Variants in TTN observed in about 807,000 individuals in gnomAD.
The protein encoded by TTN is connectin.
In TTN, 1,525 loss-of-function variants were observed where a neutral mutation model predicts 3,223.0. That is an observed-to-expected ratio of 0.47 (90% CI 0.45 to 0.49). The LOEUF (loss-of-function observed/expected upper bound fraction) is 0.49. Among genes scored for constraint, TTN ranks in the 20% least tolerant of loss-of-function variants. The pLI, the probability that TTN is intolerant of heterozygous loss-of-function variation, is 0.00. For missense variants in TTN, 40,786 were observed against 43,424.0 expected, an observed-to-expected ratio of 0.94 and a Z score of 5.40; for synonymous variants, 14,094 against 15,161.0, an observed-to-expected ratio of 0.93 and a Z score of 5.17.
intron 242 of TTN, among the ~76,000 whole-genome samples, 175 bp downstream of exon 242, chr2:178,624,285 ACTTTT>A (rs918797144): frequency 4.6e-5 from 7 of 152,062 alleles, no homozygotes; most frequent in East Asian, 3.9e-4. Flanking sequence ...ATAGAATAAG[ACTTTT>A]CTTTTCTTTT....
At position 178,607,442 on chromosome 2, in the gene TTN, C is replaced by G. The variant is rs1553686153; in HGVS notation, c.53246G>C (p.Ser17749Thr). ...HGRYVITATNSCGSKFAAARV... is the reference protein window; with the variant it reads ...HGRYVITATNTCGSKFAAARV... ...GGCTGCTGCAAATTTGGAACCACAG[C>G]TATTTGTAGCTGTAATCACATATCT... The change falls in exon 277 of 363, where the codon AGC (serine) becomes ACC (threonine). Residue 17749 changes from serine to threonine, a missense_variant. Physicochemically the swap from Ser to Thr is moderately conservative, Grantham distance 58. Transcript: ENST00000589042. The G allele has an allele frequency of 4.3e-6, 7 of 1,613,070 alleles. No homozygotes were observed. Among genetic ancestry groups the G allele is most frequent in the Non-Finnish European group, 5.9e-6 (7 of 1,179,412 alleles).
In TTN at chr2:178,570,498, C is replaced by G. The variant is rs1707781335; in HGVS notation, c.75634G>C (p.Val25212Leu). Residue 25212 changes from valine to leucine, a missense_variant, in exon 326 of 363, where the codon GTT becomes CTT. Val to Leu is a conservative substitution (Grantham distance 32). Transcript: ENST00000589042. Reference protein sequence around the residue: ...LDRPGPPEGPVVISGVTAEKC... With the variant: ...LDRPGPPEGPLVISGVTAEKC... ...TCTGCTGTAACTCCTGAGATAACAA[C>G]AGGTCCTTCAGGTGGCCCTGGTCTG... 6.2e-7 allele frequency: 1 copy of G among 1,613,296 alleles called. No homozygotes were observed.
In TTN at chr2:178,536,994, A is replaced by C; in HGVS notation, c.100115T>G (p.Phe33372Cys). ...CACTTCTAGAGGGTCACTGATGCCG[A>C]AAGTGTTCTGAGCTGAAACCCGGAA... ...YYFRVSAQNT[F>C]GISDPLEVSS... Residue 33372 changes from phenylalanine to cysteine, a missense_variant, in exon 356 of 363, where the codon TTC becomes TGC. Coordinates refer to ENST00000589042, the MANE Select transcript of TTN (RefSeq NM_001267550.2). The C allele has an allele frequency of 6.2e-7, 1 of 1,613,422 alleles. No individual in the cohort carries two copies. The highest frequency in any genetic ancestry group is 8.5e-7 in the Non-Finnish European group (1 of 1,179,606).
At chr2:178,685,848 A>T (rs2070715595) in intron 127 of TTN, among the ~76,000 whole-genome samples, 1 of 152,194 alleles carries the variant, frequency 6.6e-6, no homozygotes, top group African/African-American at 2.4e-5. Flanking sequence ...AATAATGCTT[A>T]TATCCACAGC....
In TTN at chr2:178,531,150, C is replaced by T. The variant is rs1235753439; in HGVS notation, c.105465G>A (p.Glu35155=). 1.2e-6 allele frequency: 2 copies of T among 1,613,872 alleles called. No individual in the cohort carries two copies. Among genetic ancestry groups the T allele is most frequent in the Non-Finnish European group, 8.5e-7 (1 of 1,179,886 alleles). Residue 35155 remains glutamate, a synonymous_variant, in exon 358 of 363, where the codon GAG becomes GAA. Transcript: ENST00000589042. ...SARFSCDTDG[E]PVPTVTWLRK... ...GCAGCCAGGTCACAGTTGGTACCGG[C>T]TCACCATCGGTGTCACAAGAAAACC...
At position 178,719,840 on chromosome 2, in the gene TTN, A is replaced by G; in HGVS notation, c.23660-8T>C. ...CTATGATTCTTGCTGGTTCTAAAAG[A>G]AGAAGTATTTTGCATTGAAAACAAA... On this transcript the variant is annotated splice_polypyrimidine_tract_variant and splice_region_variant and intron_variant, in intron 81 of 362. Coordinates refer to ENST00000589042, the MANE Select transcript of TTN (RefSeq NM_001267550.2). 3.8e-6 allele frequency: 6 copies of G among 1,598,104 alleles called. No homozygotes were observed. The highest frequency in any genetic ancestry group is 5.1e-6 in the Non-Finnish European group (6 of 1,171,136).
intron 98 of TTN, among the ~76,000 whole-genome samples, chr2:178,710,290 T>C (rs2076468069): frequency 6.6e-6 from 1 of 151,976 alleles, no homozygotes; most frequent in African/African-American, 2.4e-5. Flanking sequence ...TACCAAAAAA[T>C]ACAAAAATTA....
Position 178,533,250 on chromosome 2 carries a change from G to A in TTN, c.103365C>T (p.Arg34455=), listed in dbSNP as rs398124462. The change falls in exon 358 of 363, where the codon CGC becomes CGT. Residue 34455 remains arginine, a synonymous_variant. Transcript: ENST00000589042. ...TGAATTCCTGTTTCTTGTACCTCAG[G>A]CGTTCCACTTGTAGGTGAGCCTGGC... ...TSCQAHLQVE[R]LRYKKQEFKS... 243 of 1,613,920 alleles carry A rather than the reference G, an allele frequency of 1.5e-4. 2 individuals are homozygous for A. The South Asian group carries it at 2.6e-3, about 17-fold the overall frequency.
In TTN at chr2:178,717,134, C is replaced by A. The variant is rs779163897; in HGVS notation, c.25600G>T (p.Ala8534Ser). 1.7e-5 allele frequency: 28 copies of A among 1,613,210 alleles called. No individual in the cohort carries two copies. The highest frequency in any genetic ancestry group is 1.2e-4 in the Admixed American group (7 of 59,970). ...GQYTCYASNI[A>S]GKDSCSAQLG... ...TGAGCAGAACAAGAGTCTTTTCCAG[C>A]GATGTTGCTTGCATAGCAGGTGTAC... Residue 8534 changes from alanine (A) to serine (S), a missense_variant, in exon 88 of 363, where the codon GCT (alanine) becomes TCT (serine). By Grantham distance (99) the Ala-to-Ser change is moderately conservative. Coordinates refer to ENST00000589042, the MANE Select transcript of TTN (RefSeq NM_001267550.2).
At position 178,552,636 on chromosome 2, in the gene TTN, A is replaced by C. The variant is rs1238844529; in HGVS notation, c.90264T>G (p.Ile30088Met). Residue 30088 changes from isoleucine (I) to methionine (M), a missense_variant, in exon 335 of 363, where the codon ATT (isoleucine) becomes ATG (methionine). Coordinates refer to ENST00000589042, the MANE Select transcript of TTN (RefSeq NM_001267550.2). Reference protein sequence around the residue: ...SHAGISKTCEIEVSQLKEQSV... With the variant: ...SHAGISKTCEMEVSQLKEQSV... ...ACTGCTCCTTAAGTTGGCTAACCTC[A>C]ATTTCACATGTCTTACTTATGCCAG... 6.2e-7 allele frequency: 1 copy of C among 1,613,790 alleles called. No individual in the cohort carries two copies. The highest frequency in any genetic ancestry group is 8.5e-7 in the Non-Finnish European group (1 of 1,179,854).
At position 178,579,322 on chromosome 2, in the gene TTN, G is replaced by C. The variant is rs1198941645; in HGVS notation, c.67708C>G (p.Leu22570Val). 1 of 1,608,308 alleles carries C rather than the reference G, an allele frequency of 6.2e-7. No homozygotes were observed. Among genetic ancestry groups the C allele is most frequent in the Non-Finnish European group, 8.5e-7 (1 of 1,176,826 alleles). The stretch of plus-strand genomic sequence containing the variant: ...GGCTTGCCTTTTATGGGGATCTTAA[G>C]CCGGAAGTTGCTGTTTTCTTTAGCC... ...YLAKENSNFR[L>V]KIPIKGKPAP... The change falls in exon 320 of 363, where the codon CTT (leucine) becomes GTT (valine). Residue 22570 changes from leucine (L) to valine (V), a missense_variant. Physicochemically the swap from Leu to Val is conservative, Grantham distance 32 (BLOSUM62 1). Transcript: ENST00000589042.
At chr2:178,705,114 A>G in intron 103 of TTN, 60 bp downstream of exon 103, 2 of 1,593,336 alleles carry the variant, frequency 1.3e-6, no homozygotes, top group Non-Finnish European at 1.7e-6. Context: ...TTCAAAGGGA[A>G]TATGTGAGAT....
At position 178,779,379 on chromosome 2, in the gene TTN, A is replaced by G. The variant is rs773274762; in HGVS notation, c.3813T>C (p.Leu1271=). The G allele has an allele frequency of 1.1e-5, 17 of 1,605,324 alleles. No homozygotes were observed. The African/African-American group carries it at 2.3e-4, about 21-fold the overall frequency. The change falls in exon 23 of 363, where the codon CTT becomes CTC. Residue 1271 remains leucine, a synonymous_variant. Transcript: ENST00000589042. ...RIIKTTLEEL[L]EEDGEEKMAV... ...CCATCTTTTCTTCTCCATCTTCTTC[A>G]AGAAGTTCTTCTAATGTAGTCTTTA...
rs766144077 is a variant in TTN, at chr2:178,768,093, T to C, written c.9226A>G (p.Met3076Val). Residue 3076 changes from methionine (M) to valine (V), a missense_variant, in exon 39 of 363, where the codon ATG becomes GTG. Coordinates refer to ENST00000589042, the MANE Select transcript of TTN (RefSeq NM_001267550.2). ...GGTTCAGAAACTTCACATTCAAACA[T>C]GGCTCGCTTCTTCTCCAGTACCTTA... ...DIKVLEKKRA[M>V]FECEVSEPDI... 6.8e-6 allele frequency: 11 copies of C among 1,614,026 alleles called. No individual in the cohort carries two copies. Among genetic ancestry groups the C allele is most frequent in the African/African-American group, 2.7e-5 (2 of 74,942 alleles).
Position 178,615,305 on chromosome 2 carries a change from A to G in TTN, c.48638+2T>C. 1 of 1,612,064 alleles carries G rather than the reference A, an allele frequency of 6.2e-7. No homozygotes were observed. Among genetic ancestry groups the G allele is most frequent in the East Asian group, 2.2e-5 (1 of 44,636 alleles). ...TACTCTCATGCCAAATTAAAAACCT[A>G]CTTTGTTTCTGCAACAGGTTCTCCA... On this transcript the variant is annotated splice_donor_variant, in intron 259 of 362. Transcript: ENST00000589042. LOFTEE classifies it high-confidence loss of function.
chr2:178,767,895 T>A lies in TTN; in HGVS notation c.9335A>T (p.His3112Leu), dbSNP rs1381688014. ...CCGGGTGGATGGGATCAGAAGGCGG[T>A]GGACATATTTCTCCTTCTGAATCTT... is the stretch of plus-strand genomic sequence containing the variant. ...RIKIQKEKYV[H>L]RLLIPSTRMS... is the part of the protein sequence containing the mutation. The change falls in exon 40 of 363, where the codon CAC (histidine) becomes CTC (leucine). Residue 3112 changes from histidine to leucine, a missense_variant. Physicochemically the swap from His to Leu is moderately conservative, Grantham distance 99. Coordinates refer to ENST00000589042, the MANE Select transcript of TTN (RefSeq NM_001267550.2). 1 of 1,614,096 alleles carries A rather than the reference T, an allele frequency of 6.2e-7. No homozygotes were observed.
chr2:178,711,296 C>T lies in TTN; in HGVS notation c.27940G>A (p.Val9314Ile). Reference protein sequence around the residue: ...SRQLRDVQETVGLPVVFDCAI... With the variant: ...SRQLRDVQETIGLPVVFDCAI... ...CAATCAAAAACAACTGGCAGTCCAACTGTTTCTTGAACATCTCTCAATTGT... is the reference window on the plus strand; with the variant it reads ...CAATCAAAAACAACTGGCAGTCCAATTGTTTCTTGAACATCTCTCAATTGT... The change falls in exon 97 of 363, where the codon GTT (valine) becomes ATT (isoleucine). Residue 9314 changes from valine (V) to isoleucine (I), a missense_variant. Coordinates refer to ENST00000589042, the MANE Select transcript of TTN (RefSeq NM_001267550.2). 6.2e-7 allele frequency: 1 copy of T among 1,613,396 alleles called. No individual in the cohort carries two copies. The highest frequency in any genetic ancestry group is 8.5e-7 in the Non-Finnish European group (1 of 1,179,506).
chr2:178,757,622 T>G lies in TTN; in HGVS notation c.10598A>C (p.His3533Pro). 1 of 1,613,662 alleles carries G rather than the reference T, an allele frequency of 6.2e-7. No homozygotes were observed. Among genetic ancestry groups the G allele is most frequent in the Non-Finnish European group, 8.5e-7 (1 of 1,179,638 alleles). ...TGCTTTGCAAGAGTACTGCCCAGCATGCTCTGAGTAAGCATCAACTATAAG... is the reference window on the plus strand; with the variant it reads ...TGCTTTGCAAGAGTACTGCCCAGCAGGCTCTGAGTAAGCATCAACTATAAG... ...LMLIVDAYSEHAGQYSCKAAN... is the reference protein window; with the variant it reads ...LMLIVDAYSEPAGQYSCKAAN... The change falls in exon 45 of 363, where the codon CAT becomes CCT. Residue 3533 changes from histidine (H) to proline (P), a missense_variant. By Grantham distance (77) the His-to-Pro change is moderately conservative. Transcript: ENST00000589042.
In TTN at chr2:178,553,414, A is replaced by T; in HGVS notation, c.89504-18T>A. On this transcript the variant is annotated intron_variant, in intron 334 of 362. Coordinates refer to ENST00000589042, the MANE Select transcript of TTN (RefSeq NM_001267550.2). Reference sequence around the variant, plus strand: ...TGGTGCCTCTGTAGACATAAAATGGATACATACAGTGAATTTTAAAAGCAA... The same window carrying T: ...TGGTGCCTCTGTAGACATAAAATGGTTACATACAGTGAATTTTAAAAGCAA... The T allele has an allele frequency of 6.3e-7, 1 of 1,576,838 alleles. No individual in the cohort carries two copies. The highest frequency in any genetic ancestry group is 2.2e-5 in the East Asian group (1 of 44,536).
Sources: gnomAD v4.1 joint callset for allele counts (sites outside exome capture counted in the v4.1 genomes callset) on GRCh38, gnomAD v4.1.1 for gene constraint, MANE v1.5 for transcripts, NCBI Gene and HGNC (gene_info 2026-07-23, HGNC 2026-07-21) for gene names.